The following NDST4 variants were observed in gnomAD, a reference collection of about 807,000 sequenced individuals.
NDST4 encodes the protein N-deacetylase and N-sulfotransferase 4, also known as N-heparan sulfate sulfotransferase 4.
In NDST4, 63 loss-of-function variants were observed where a neutral mutation model predicts 100.8. The observed-to-expected ratio is 0.62, with a 90% CI of 0.51 to 0.77. The LOEUF is 0.77. Ranked by LOEUF, NDST4 falls within the 30% of genes least tolerant of loss-of-function variation. The probability of loss-of-function intolerance (pLI) is 0.00; values close to 1 mark genes in which losing one functional copy is unlikely to be tolerated. For missense variants in NDST4, 943 were observed against 1,018.4 expected (o/e 0.93, Z 1.01); for synonymous variants, 377 against 361.8 (o/e 1.04, Z -0.48).
At chr4:114,916,573 TG>T (rs1228409831) in intron 6 of NDST4, among the ~76,000 whole-genome samples, 46 of 150,218 alleles carry the variant, frequency 3.1e-4, no homozygotes, top group African/African-American at 1.1e-3. Flanking sequence ...TGTGTGTGTG[TG>T]TGTGTGTGTT....
chr4:115,032,465 G>C (rs1209344932), intron 2 of NDST4, among the ~76,000 whole-genome samples: 1 of 152,132 alleles, frequency 6.6e-6, no homozygotes, highest in Non-Finnish European at 1.5e-5. Context: ...CATTTGAGAA[G>C]CTTCAGGGTA....
At chr4:115,061,671 A>C (rs564833533) in intron 2 of NDST4, among the ~76,000 whole-genome samples, 1 of 152,144 alleles carries the variant, frequency 6.6e-6, no homozygotes, top group Admixed American at 6.6e-5. Context: ...TACCTAACGC[A>C]TGCGGGGCTT....
intron 3 of NDST4, among the ~76,000 whole-genome samples, chr4:114,970,827 G>A (rs1169793759): frequency 2.8e-4 from 42 of 151,842 alleles, no homozygotes; most frequent in Admixed American, 2.8e-3. Context: ...TAGAATTTAA[G>A]GGTATTTTAT....
chr4:115,006,793 T>C (rs187116852), intron 2 of NDST4, among the ~76,000 whole-genome samples: 2 of 152,218 alleles, frequency 1.3e-5, no homozygotes, highest in African/African-American at 4.8e-5. Context: ...TACAGAGACA[T>C]ATGTAGAATT....
chr4:114,868,062 T>C (rs1206841146), intron 7 of NDST4, among the ~76,000 whole-genome samples: 5 of 152,208 alleles, frequency 3.3e-5, no homozygotes, highest in Admixed American at 1.3e-4. Context: ...GATGTGAATA[T>C]TATCATTTTT....
intron 9 of NDST4, 113 bp downstream of exon 9, chr4:114,848,102 A>C: frequency 1.2e-6 from 1 of 865,770 alleles, no homozygotes; most frequent in Non-Finnish European, 1.7e-6. Flanking sequence ...TTTCTAATTC[A>C]CTGTGGTGAA....
chr4:114,897,772 A>G (rs530071146), intron 6 of NDST4, among the ~76,000 whole-genome samples: 16 of 152,320 alleles, frequency 1.1e-4, no homozygotes, highest in Middle Eastern at 3.4e-3. Context: ...GGGTAATTGT[A>G]ATAGGTTTTT....
At chr4:114,912,606 GTT>G (rs1371899642) in intron 6 of NDST4, among the ~76,000 whole-genome samples, 1 of 152,128 alleles carries the variant, frequency 6.6e-6, no homozygotes, top group Non-Finnish European at 1.5e-5. Context: ...AAACTCAGAA[GTT>G]TAGCAAGAAC....
chr4:115,090,400 G>A (rs567050459), intron 1 of NDST4, among the ~76,000 whole-genome samples: 7 of 151,790 alleles, frequency 4.6e-5, no homozygotes, highest in Admixed American at 2.6e-4. Context: ...ATTTCCTAAA[G>A]TTGTAAAATA....
chr4:114,901,141 T>C (rs1724829413), intron 6 of NDST4, among the ~76,000 whole-genome samples: 1 of 152,026 alleles, frequency 6.6e-6, no homozygotes, highest in Non-Finnish European at 1.5e-5. Flanking sequence ...GACGTAGTCC[T>C]ATAGATGTCC....
At chr4:114,862,440 C>A (rs1190891065) in intron 7 of NDST4, among the ~76,000 whole-genome samples, 4 of 152,142 alleles carry the variant, frequency 2.6e-5, no homozygotes, top group East Asian at 1.9e-4. Context: ...CCACACATAA[C>A]CCAGCAGAGC....
chr4:114,986,811 TATATATATATATA>T (rs1313542240), intron 2 of NDST4, among the ~76,000 whole-genome samples: 1 of 121,536 alleles, frequency 8.2e-6, no homozygotes, highest in Non-Finnish European at 1.7e-5. Context: ...TATATATATA[TATATATATATATA>T]TATATATATT....
intron 11 of NDST4, among the ~76,000 whole-genome samples, chr4:114,834,104 C>T (rs1341963278): frequency 6.6e-6 from 1 of 152,148 alleles, no homozygotes; most frequent in Non-Finnish European, 1.5e-5. Context: ...AGTGGTCATC[C>T]AAATGAAAAT....
At chr4:115,078,246 T>A (rs1560592354) in intron 1 of NDST4, among the ~76,000 whole-genome samples, 1 of 152,088 alleles carries the variant, frequency 6.6e-6, no homozygotes, top group Non-Finnish European at 1.5e-5. Context: ...AAGCTTCCAA[T>A]CATGGTAGAA....
At chr4:114,966,215 C>T (rs757007531) in intron 4 of NDST4, among the ~76,000 whole-genome samples, 4 of 151,990 alleles carry the variant, frequency 2.6e-5, no homozygotes, top group African/African-American at 7.2e-5. Context: ...TACACCCCCA[C>T]TGCATACATT....
intron 2 of NDST4, among the ~76,000 whole-genome samples, chr4:115,057,841 T>C (rs1214480267): frequency 1.3e-4 from 20 of 152,120 alleles, no homozygotes; most frequent in Admixed American, 1.3e-3. Flanking sequence ...TATTCATTTT[T>C]GAATGTAAGC....
intron 2 of NDST4, among the ~76,000 whole-genome samples, chr4:114,985,683 C>T (rs1391532858): frequency 6.6e-6 from 1 of 152,118 alleles, no homozygotes; most frequent in African/African-American, 2.4e-5. Flanking sequence ...ATACACATAA[C>T]AAATCAATCA....
intron 4 of NDST4, among the ~76,000 whole-genome samples, chr4:114,939,731 G>T (rs1725707728): frequency 6.6e-6 from 1 of 151,766 alleles, no homozygotes; most frequent in African/African-American, 2.4e-5. Flanking sequence ...AGGAAGGAAG[G>T]GCAGTAAAAA....
At chr4:114,929,089 C>CATCT (rs1725449721) in intron 6 of NDST4, among the ~76,000 whole-genome samples, 1 of 111,952 alleles carries the variant, frequency 8.9e-6, no homozygotes, top group African/African-American at 3.2e-5. Flanking sequence ...TCCATCCATC[C>CATCT]ATCCATCCAT....
Sources: gnomAD v4.1 joint callset for allele counts (sites outside exome capture counted in the v4.1 genomes callset) on GRCh38, gnomAD v4.1.1 for gene constraint, MANE v1.5 for transcripts, NCBI Gene and HGNC (gene_info 2026-07-23, HGNC 2026-07-21) for gene names.